Variants in SLC30A6 observed in about 807,000 individuals in gnomAD.
SLC30A6 encodes the protein zinc transporter 6.
Under a neutral mutation model 63.0 loss-of-function variants are expected in SLC30A6, and 55 were observed. The observed-to-expected ratio is 0.87, with a 90% CI of 0.70 to 1.09. The LOEUF is 1.09. Ranked by LOEUF, SLC30A6 falls within the 50% of genes least tolerant of loss-of-function variation. The pLI is 0.00. For synonymous variants in SLC30A6, 224 were observed against 186.1 expected (o/e 1.20, Z -1.66); for missense variants, 587 against 549.2 (o/e 1.07, Z -0.69).
At position 32,193,967 on chromosome 2, in the gene SLC30A6, T is replaced by C; in HGVS notation, c.480T>C (p.Phe160=). 1.2e-6 allele frequency: 2 copies of C among 1,613,038 alleles called. No homozygotes were observed. Among genetic ancestry groups the C allele is most frequent in the Non-Finnish European group, 1.7e-6 (2 of 1,179,540 alleles). ...FTMLSIRNKP[F]AYVSEAASTS... is the part of the protein sequence containing the mutation. ...TGCTTTCTATTCGGAATAAACCTTT[T>C]GCTTATGTCTCAGAAGGTATGTTTT... The change falls in exon 8 of 14, where the codon TTT becomes TTC. Residue 160 remains phenylalanine (F), a synonymous_variant. Transcript: ENST00000282587.
Position 32,224,183 on chromosome 2 carries a change from G to T in SLC30A6, c.*3470G>T. On this transcript the variant is annotated 3_prime_UTR_variant, in exon 14 of 14. Coordinates refer to ENST00000282587, the MANE Select transcript of SLC30A6 (RefSeq NM_017964.5). The stretch of plus-strand genomic sequence containing the variant: ...TCAGCGAATATTTATTGAGAATATT[G>T]TTGAGAATCTCTTACATGCCAGGCA... 3.8e-6 allele frequency: 1 copy of T among 262,368 alleles called. No homozygotes were observed. Among genetic ancestry groups the T allele is most frequent in the African/African-American group, 2.2e-5 (1 of 45,518 alleles). 16.3% of individuals were successfully genotyped at this position (262,368 alleles called of 1,614,324 possible).
chr2:32,193,032 G>A (rs1400004363), intron 7 of SLC30A6, 79 bp downstream of exon 7: 6 of 923,370 alleles, frequency 6.5e-6, no homozygotes, highest in Non-Finnish European at 9.7e-6. Flanking sequence ...GTTGGCCAAT[G>A]TCAGATTTCA....
In SLC30A6 at chr2:32,192,769, T is replaced by C. The variant is rs1017355300; in HGVS notation, c.366-149T>C. On this transcript the variant is annotated intron_variant, in intron 6 of 13. Transcript: ENST00000282587. ...GAAAACAACTAAAAAGGATAATTTATGAGTCTCCTTGCCTCATCACTGCTA... is the reference window on the plus strand; with the variant it reads ...GAAAACAACTAAAAAGGATAATTTACGAGTCTCCTTGCCTCATCACTGCTA... The C allele has an allele frequency of 7.9e-6, 4 of 508,512 alleles. No homozygotes were observed. In the African/African-American group the frequency reaches 8.0e-5, roughly 10 times the overall value. The allele number at this position is 508,512 out of a possible 1,614,324, so 31.5% of individuals were successfully genotyped here. A position where few individuals can be genotyped will look rare whatever the true frequency, so the allele number is the denominator to read the frequency against.
intron 5 of SLC30A6, among the ~76,000 whole-genome samples, chr2:32,187,659 G>C (rs1488544909): frequency 6.6e-6 from 1 of 152,100 alleles, no homozygotes; most frequent in Non-Finnish European, 1.5e-5. Context: ...AGCTTCACAC[G>C]GATGTCTAAT....
intron 13 of SLC30A6, among the ~76,000 whole-genome samples, chr2:32,217,872 TC>T (rs1339426002): frequency 2.0e-5 from 3 of 151,742 alleles, no homozygotes; most frequent in African/African-American, 7.3e-5. Context: ...ATACAAGGTC[TC>T]TCTTTGTCAC....
intron 3 of SLC30A6, among the ~76,000 whole-genome samples, chr2:32,174,842 G>A (rs201987421): frequency 2.6e-5 from 4 of 152,026 alleles, no homozygotes; most frequent in East Asian, 3.9e-4. Context: ...GTGAGCCACC[G>A]TGCCTGGCTG....
chr2:32,219,421 T>G (rs1272766913), intron 13 of SLC30A6, among the ~76,000 whole-genome samples: 1 of 151,874 alleles, frequency 6.6e-6, no homozygotes, highest in Non-Finnish European at 1.5e-5. Context: ...TTCTGCCCCC[T>G]GAAATACTTG....
At chr2:32,191,902 A>C (rs1469578684) in intron 5 of SLC30A6, among the ~76,000 whole-genome samples, 1 of 152,108 alleles carries the variant, frequency 6.6e-6, no homozygotes, top group Admixed American at 6.6e-5. Context: ...AATTCTAATA[A>C]GGGGTTGGGA....
At chr2:32,194,799 G>A (rs1683631757) in intron 8 of SLC30A6, among the ~76,000 whole-genome samples, 1 of 152,114 alleles carries the variant, frequency 6.6e-6, no homozygotes. Flanking sequence ...AGTACTGCAT[G>A]AATTAGAAAA....
rs1322871457 is a variant in SLC30A6, at chr2:32,222,411, A to C, written c.*1698A>C. The C allele has an allele frequency of 1.3e-5, 2 of 152,194 alleles. No homozygotes were observed. Among genetic ancestry groups the C allele is most frequent in the African/African-American group, 2.4e-5 (1 of 41,460 alleles). The allele number at this position is 152,194 out of a possible 1,614,324, so 9.4% of individuals were successfully genotyped here. A position where few individuals can be genotyped will look rare whatever the true frequency, so the allele number is the denominator to read the frequency against. On this transcript the variant is annotated 3_prime_UTR_variant, in exon 14 of 14. Transcript: ENST00000282587. ...GAGAAGATTTTTGTTTTTCTTTTGC[A>C]ACAGTTTCTTCAGTCAACTCATTCA...
In SLC30A6 at chr2:32,207,044, C is replaced by G. The variant is rs1349683816; in HGVS notation, c.816+111C>G. 3 of 851,668 alleles carry G rather than the reference C, an allele frequency of 3.5e-6. No homozygotes were observed. In the African/African-American group the frequency reaches 5.1e-5, roughly 15 times the overall value. The allele number at this position is 851,668 out of a possible 1,614,324, so 52.8% of individuals were successfully genotyped here. A position where few individuals can be genotyped will look rare whatever the true frequency, so the allele number is the denominator to read the frequency against. On this transcript the variant is annotated intron_variant, in intron 12 of 13. Coordinates refer to ENST00000282587, the MANE Select transcript of SLC30A6 (RefSeq NM_017964.5). ...CCTAGAATTTTATTTGAGGGAAGTT[C>G]ATGTTCTTCACAATAACATACTAGG... is the stretch of plus-strand genomic sequence containing the variant.
intron 2 of SLC30A6, among the ~76,000 whole-genome samples, chr2:32,172,080 C>G (rs1418911930): frequency 1.3e-5 from 2 of 152,142 alleles, no homozygotes; most frequent in African/African-American, 2.4e-5. Flanking sequence ...TTTTAGGCCA[C>G]CAATGTAAAC....
intron 7 of SLC30A6, 92 bp downstream of exon 7, chr2:32,193,045 C>A: frequency 1.2e-6 from 1 of 812,906 alleles, no homozygotes; most frequent in South Asian, 2.0e-5. Context: ...AGATTTCAGA[C>A]TGTGGCAACA....
rs1411941994 is a variant in SLC30A6, at chr2:32,171,486, T to C, written c.90+113T>C. On this transcript the variant is annotated intron_variant, in intron 2 of 13. Coordinates refer to ENST00000282587, the MANE Select transcript of SLC30A6 (RefSeq NM_017964.5). ...CACTCCTGATCCTGCCACACTGTTTTCATTTTTCTATGTTGGAAAAGTATT... is the reference window on the plus strand; with the variant it reads ...CACTCCTGATCCTGCCACACTGTTTCCATTTTTCTATGTTGGAAAAGTATT... 3 of 732,478 alleles carry C rather than the reference T, an allele frequency of 4.1e-6. No individual in the cohort carries two copies. The African/African-American group carries it at 5.3e-5, about 13-fold the overall frequency. The allele number at this position is 732,478 out of a possible 1,614,324, so 45.4% of individuals were successfully genotyped here. A position where few individuals can be genotyped will look rare whatever the true frequency, so the allele number is the denominator to read the frequency against.
At chr2:32,174,170 T>G in intron 3 of SLC30A6, 23 bp downstream of exon 3, 1 of 1,560,504 alleles carries the variant, frequency 6.4e-7, no homozygotes, top group African/African-American at 1.4e-5. Flanking sequence ...TGTATTTTTA[T>G]GGAGTTGTTA....
rs1156482551 is a variant in SLC30A6, at chr2:32,221,753, TCA to T, written c.*1041_*1042del. ...TACATTTGTAAATAGTCCATGGTTCTCAGTGTTTTATTTTGATTAAGTGACTA... is the reference window on the plus strand; with the variant it reads ...TACATTTGTAAATAGTCCATGGTTCTGTGTTTTATTTTGATTAAGTGACTA... On this transcript the variant is annotated 3_prime_UTR_variant, in exon 14 of 14. Transcript: ENST00000282587. 6.6e-6 allele frequency: 1 copy of T among 152,226 alleles called. No homozygotes were observed. Among genetic ancestry groups the T allele is most frequent in the Non-Finnish European group, 1.5e-5 (1 of 68,034 alleles). 9.4% of individuals were successfully genotyped at this position (152,226 alleles called of 1,614,324 possible).
chr2:32,196,801 C>G (rs148497137), intron 8 of SLC30A6, among the ~76,000 whole-genome samples: 1,547 of 152,264 alleles, frequency 0.01, 17 homozygotes, highest in African/African-American at 0.036. Context: ...TGGCTCACAC[C>G]TGTAATCCCA....
chr2:32,171,293 A>G lies in SLC30A6; in HGVS notation c.10A>G (p.Ile4Val), dbSNP rs748416148. Residue 4 changes from isoleucine (I) to valine (V), a missense_variant, in exon 2 of 14, where the codon ATT (isoleucine) becomes GTT (valine). Transcript: ENST00000282587. MGTIHLFRKPQRSF... is the reference protein window; with the variant it reads MGTVHLFRKPQRSF... ...GTATATGTTTGTTTGAAAGGGGACAATTCATCTCTTTCGAAAACCACAAAG... is the reference window on the plus strand; with the variant it reads ...GTATATGTTTGTTTGAAAGGGGACAGTTCATCTCTTTCGAAAACCACAAAG... The G allele has an allele frequency of 1.9e-6, 3 of 1,613,344 alleles. No individual in the cohort carries two copies. Among genetic ancestry groups the G allele is most frequent in the South Asian group, 1.1e-5 (1 of 91,064 alleles).
chr2:32,193,213 A>T (rs1340381359), intron 7 of SLC30A6, among the ~76,000 whole-genome samples: 1 of 152,178 alleles, frequency 6.6e-6, no homozygotes, highest in East Asian at 1.9e-4. Context: ...CCTAGGAAAC[A>T]CTAACCCAGC....
Sources: allele counts gnomAD v4.1 joint callset (sites outside exome capture counted in the v4.1 genomes callset), GRCh38; gene constraint gnomAD v4.1.1; transcripts MANE v1.5; gene names NCBI Gene and HGNC (gene_info 2026-07-23, HGNC 2026-07-21).